The following KCNC3 variants were observed in gnomAD, a reference collection of about 807,000 sequenced individuals.
KCNC3 encodes potassium voltage-gated channel subfamily C member 3.
Under a neutral mutation model 43.9 loss-of-function variants are expected in KCNC3, and 22 were observed. The ratio of observed to expected loss-of-function variants is 0.50; its 90% confidence interval spans 0.36 to 0.72. The LOEUF (loss-of-function observed/expected upper bound fraction) is 0.72, where lower values mean the gene tolerates loss of function less well. Among genes scored for constraint, KCNC3 ranks in the 30% least tolerant of loss-of-function variants. The pLI, the probability that KCNC3 is intolerant of heterozygous loss-of-function variation, is 0.00. For synonymous variants in KCNC3, 492 were observed against 488.0 expected (o/e 1.01, Z -0.11); for missense variants, 829 against 1,073.8 (o/e 0.77, Z 3.19).
At chr19:50,332,818 A>G (rs186375001), upstream of KCNC3, among the ~76,000 whole-genome samples, 13 of 151,856 alleles carry the variant, frequency 8.6e-5, no homozygotes, top group Admixed American at 8.5e-4. This position sits in a 1 kb window ranked among gnomAD's most constrained non-coding sequence, Gnocchi z 5.8. Flanking sequence ...TCCAACTCCC[A>G]TCTACGTCAT....
In KCNC3 at chr19:50,328,984, C is replaced by A. The variant is rs2037145179; in HGVS notation, c.99G>T (p.Pro33=). The A allele has an allele frequency of 9.1e-7, 1 of 1,097,180 alleles. No homozygotes were observed. The highest frequency in any genetic ancestry group is 1.2e-6 in the Non-Finnish European group (1 of 868,740). The allele number at this position is 1,097,180 out of a possible 1,614,324, so 68.0% of individuals were successfully genotyped here. The change falls in exon 1 of 5, where the codon CCG becomes CCT. Residue 33 remains proline (P), a synonymous_variant. Coordinates refer to ENST00000477616, the MANE Select transcript of KCNC3 (RefSeq NM_004977.3). ...GCTGCTGCTGCGGCGGCAGCGGTGG[C>A]GGCGGCGGGGACTCGGGCGGCTGCG... ...PPPQPPESPP[P]PPLPPQQQQP...
At chr19:50,318,170 T>G (rs1020756583) in intron 4 of KCNC3, among the ~76,000 whole-genome samples, 2 of 151,804 alleles carry the variant, frequency 1.3e-5, no homozygotes, top group Non-Finnish European at 2.9e-5. Context: ...TTCTTCTTCT[T>G]CTTCTTCTTC....
In KCNC3 at chr19:50,328,723, G is replaced by A. The variant is rs776600565; in HGVS notation, c.360C>T (p.Pro120=). The A allele has an allele frequency of 4.2e-5, 67 of 1,597,650 alleles. No individual in the cohort carries two copies. The South Asian group carries it at 7.2e-4, about 17-fold the overall frequency. Residue 120 remains proline (P), a synonymous_variant, in exon 1 of 5, where the codon CCC becomes CCT. Coordinates refer to ENST00000477616, the MANE Select transcript of KCNC3 (RefSeq NM_004977.3). ...CGTAGTCGAAGCGTGCCGCCGCCTC[G>A]GGCTCCGTCAGGCCGGCCAGCCGCG... ...PGTRLAGLTE[P]EAAARFDYDP... is the part of the protein sequence containing the mutation.
In KCNC3 at chr19:50,314,943, C is replaced by T. The variant is rs371995384; in HGVS notation, c.*1172G>A. The T allele has an allele frequency of 1.5e-3, 468 of 302,466 alleles. 8 individuals are homozygous for T. The highest frequency in any genetic ancestry group is 0.011 in the South Asian group (460 of 41,420). The allele number at this position is 302,466 out of a possible 1,614,324, so 18.7% of individuals were successfully genotyped here. On this transcript the variant is annotated 3_prime_UTR_variant, in exon 5 of 5. Coordinates refer to ENST00000477616, the MANE Select transcript of KCNC3 (RefSeq NM_004977.3). ...GCAAGGGGCGCGAGGCGCAGGGACA[C>T]CCCGCTCAGGCCCGCGATGCTGCTG...
upstream of KCNC3, among the ~76,000 whole-genome samples, chr19:50,330,651 G>A (rs1266711690): frequency 6.6e-6 from 1 of 152,188 alleles, no homozygotes; most frequent in Non-Finnish European, 1.5e-5. Flanking sequence ...GGCACGCAAG[G>A]AGGCAGAGAG....
upstream of KCNC3, among the ~76,000 whole-genome samples, chr19:50,330,076 G>C (rs2037168819): frequency 1.3e-5 from 2 of 152,120 alleles, no homozygotes; most frequent in Admixed American, 1.3e-4. Context: ...AGACCAGCCC[G>C]GCCAAAATGG....
intron 1 of KCNC3, among the ~76,000 whole-genome samples, chr19:50,326,699 C>T (rs1322887248): frequency 6.6e-6 from 1 of 152,138 alleles, no homozygotes. Context: ...CTCCGGGGTC[C>T]CCGGGACAGG....
At chr19:50,317,784 A>T (rs1283608578) in intron 4 of KCNC3, among the ~76,000 whole-genome samples, 1 of 152,140 alleles carries the variant, frequency 6.6e-6, no homozygotes, top group African/African-American at 2.4e-5. Flanking sequence ...CTCCTCAAAA[A>T]GTCCTTTGCA....
At chr19:50,319,543 C>T (rs576228753) in intron 4 of KCNC3, among the ~76,000 whole-genome samples, 1 of 152,336 alleles carries the variant, frequency 6.6e-6, no homozygotes, top group South Asian at 2.1e-4. Context: ...ATTTCTTCCT[C>T]TGCGTGTGGT....
intron 2 of KCNC3, among the ~76,000 whole-genome samples, chr19:50,322,382 G>A (rs1568571324): frequency 6.6e-6 from 1 of 152,100 alleles, no homozygotes; most frequent in South Asian, 2.1e-4. Context: ...TTCTGCCCTG[G>A]GGGATCTGCC....
chr19:50,328,319 C>T lies in KCNC3; in HGVS notation c.764G>A (p.Gly255Glu). The T allele has an allele frequency of 8.8e-7, 1 of 1,130,732 alleles. No individual in the cohort carries two copies. Among genetic ancestry groups the T allele is most frequent in the Non-Finnish European group, 1.1e-6 (1 of 926,760 alleles). The allele number at this position is 1,130,732 out of a possible 1,614,324, so 70.0% of individuals were successfully genotyped here. A position where few individuals can be genotyped will look rare whatever the true frequency, so the allele number is the denominator to read the frequency against. ...GCCGCCCGCGCCCCCTGGCGGCCCC[C>T]CGGCGCCGCCGCCCGCGTCCTGGAA... Reference protein sequence around the residue: ...LCFQDAGGGAGGPPGGAGGAG... With the variant: ...LCFQDAGGGAEGPPGGAGGAG... The change falls in exon 1 of 5, where the codon GGG (glycine) becomes GAG (glutamate). Residue 255 changes from glycine (G) to glutamate (E), a missense_variant. Around this residue, in one of 7 missense-constraint regions of KCNC3, gnomAD observed 60 missense variants for 56.0 expected, o/e 1.07. Transcript: ENST00000477616.
At chr19:50,325,319 G>T (rs1429028966) in intron 1 of KCNC3, among the ~76,000 whole-genome samples, 1 of 152,186 alleles carries the variant, frequency 6.6e-6, no homozygotes, top group Non-Finnish European at 1.5e-5. Flanking sequence ...AGTGGAGGAG[G>T]GAGGGCATGG....
chr19:50,322,499 C>T lies in KCNC3; in HGVS notation c.1978+476G>A, dbSNP rs1277773304. 3.3e-5 allele frequency among the ~76,000 whole-genome samples: 5 copies of T among 152,150 alleles called. No individual in the cohort carries two copies. The South Asian group carries it at 1.0e-3, about 32-fold the overall frequency. On this transcript the variant is annotated intron_variant, in intron 2 of 4. Transcript: ENST00000477616. The stretch of plus-strand genomic sequence containing the variant: ...CCCCACCTCCGCCCAAAATCTACAT[C>T]CCATCTCTCTCTGGTCTCCATGACA...
intron 1 of KCNC3, among the ~76,000 whole-genome samples, chr19:50,326,929 GGA>G (rs1491392366): frequency 1.3e-5 from 2 of 151,290 alleles, no homozygotes; most frequent in African/African-American, 2.4e-5. Flanking sequence ...CGGCGGGGGG[GGA>G]GGTTCGAGAA....
At chr19:50,333,082 T>TA (rs1050763970), upstream of KCNC3, among the ~76,000 whole-genome samples, 4 of 152,150 alleles carry the variant, frequency 2.6e-5, no homozygotes, top group African/African-American at 9.7e-5. Flanking sequence ...ATCTCCCCGC[T>TA]ATAATCTTTG....
rs555665003 is a variant in KCNC3, at chr19:50,325,745, C to A, written c.871-1663G>T. ...CAGCCGGGCCGGGGGGCGGGGCGCA[C>A]GGCGGCCAGTACCGCGGACAGCTCC... is the stretch of plus-strand genomic sequence containing the variant. On this transcript the variant is annotated intron_variant, in intron 1 of 4. Transcript: ENST00000477616. 5.3e-5 allele frequency among the ~76,000 whole-genome samples: 8 copies of A among 152,090 alleles called. No homozygotes were observed. The South Asian group carries it at 1.7e-3, about 31-fold the overall frequency.
rs1457218408 is a variant in KCNC3, at chr19:50,312,529, C to T, written c.*3586G>A. On this transcript the variant is annotated 3_prime_UTR_variant, in exon 5 of 5. Coordinates refer to ENST00000477616, the MANE Select transcript of KCNC3 (RefSeq NM_004977.3). ...AGGGGGAGCCGGACTTGGAAAGAGT[C>T]CCTTTAGCTCGCTCTCTCCCTCCCC... The T allele has an allele frequency of 6.6e-6, 1 of 152,206 alleles. No homozygotes were observed. The highest frequency in any genetic ancestry group is 1.5e-5 in the Non-Finnish European group (1 of 68,052). 9.4% of individuals were successfully genotyped at this position (152,206 alleles called of 1,614,324 possible). A position where few individuals can be genotyped will look rare whatever the true frequency, so the allele number is the denominator to read the frequency against.
chr19:50,322,976 T>C lies in KCNC3; in HGVS notation c.1977A>G (p.Ala659=). The C allele has an allele frequency of 6.4e-7, 1 of 1,550,396 alleles. No homozygotes were observed. Among genetic ancestry groups the C allele is most frequent in the Non-Finnish European group, 8.7e-7 (1 of 1,147,356 alleles). The change falls in exon 2 of 5, where the codon GCA becomes GCG. Residue 659 remains alanine, a splice_region_variant and synonymous_variant. Transcript: ENST00000477616. ...CCGATCCCTGACGCCCAGGCTCACC[T>C]GCCCGGTTGATCTCAATCACCTCCT... ...AQEEVIEINR[A]DPRPNGDPAA... is the part of the protein sequence containing the mutation.
upstream of KCNC3, among the ~76,000 whole-genome samples, chr19:50,332,269 C>T (rs2037197543): frequency 6.6e-6 from 1 of 152,186 alleles, no homozygotes; most frequent in Admixed American, 6.5e-5. The surrounding 1 kb of genome is among the most constrained non-coding windows in gnomAD (Gnocchi z 5.8). Flanking sequence ...ACACTCCCCC[C>T]TCAACCCTGC....
Sources: gnomAD v4.1 joint callset for allele counts (sites outside exome capture counted in the v4.1 genomes callset) on GRCh38, gnomAD v4.1.1 for gene constraint, gnomAD v4.1.1 regional missense constraint, Gnocchi (gnomAD v3.1) non-coding constraint, MANE v1.5 for transcripts, NCBI Gene and HGNC (gene_info 2026-07-23, HGNC 2026-07-21) for gene names.